ZBTB46: variants seen among roughly 807,000 people sequenced by gnomAD.
ZBTB46 encodes the protein zinc finger and BTB domain-containing protein 46.
ZBTB46 carries 8 observed loss-of-function variants against 44.1 expected under a neutral mutation model. That is an observed-to-expected ratio of 0.18 (90% CI 0.11 to 0.33). The LOEUF (loss-of-function observed/expected upper bound fraction) is 0.33, where lower values mean the gene tolerates loss of function less well. Among genes scored for constraint, ZBTB46 ranks in the 10% least tolerant of loss-of-function variants. The pLI is 1.00. For missense variants in ZBTB46, 651 were observed against 847.7 expected (o/e 0.77, Z 2.88); for synonymous variants, 409 against 382.3 (o/e 1.07, Z -0.81).
intron 4 of ZBTB46, among the ~76,000 whole-genome samples, chr20:63,751,621 C>A (rs538762658): frequency 9.9e-5 from 15 of 151,828 alleles, no homozygotes; most frequent in South Asian, 4.2e-4. Context: ...GTTCCGCCCC[C>A]CAGTGGGTCT....
chr20:63,798,045 G>C (rs903387066), intron 1 of ZBTB46, among the ~76,000 whole-genome samples: 3 of 152,114 alleles, frequency 2.0e-5, no homozygotes, highest in Non-Finnish European at 4.4e-5. Flanking sequence ...CATTGCTTTT[G>C]GTGTTTTAGA....
chr20:63,833,879 A>G (rs1044050844), upstream of ZBTB46, among the ~76,000 whole-genome samples: 9 of 152,238 alleles, frequency 5.9e-5, no homozygotes, highest in African/African-American at 2.2e-4. Context: ...CCCCATTACT[A>G]TTTAAAAGAA....
Position 63,787,223 on chromosome 20 carries a change from C to T in ZBTB46, c.937+2598G>A, listed in dbSNP as rs1267495836. On this transcript the variant is annotated intron_variant, in intron 2 of 4. Transcript: ENST00000245663. This position sits in a 1 kb window ranked among gnomAD's most constrained non-coding sequence, Gnocchi z 4.6. ...ACCACTGTGGTCCCGTAGATTAGAA[C>T]GCAGCCGGGAAATTCCTGTCACCTG... Among the ~76,000 whole-genome samples the T allele has an allele frequency of 1.3e-5, 2 of 152,134 alleles. No individual in the cohort carries two copies. Among genetic ancestry groups the T allele is most frequent in the African/African-American group, 2.4e-5 (1 of 41,428 alleles).
intron 1 of ZBTB46, chr20:63,815,200 GGTGCAGTGGGCACGAGTGCAA>G (rs2092741289): frequency 8.5e-6 from 2 of 234,884 alleles, no homozygotes; most frequent in Non-Finnish European, 1.7e-5. Flanking sequence ...AGTGGGCGCA[GGTGCAGTGGGCACGAGTGCAA>G]GTGCAGTGAG....
rs2092080927 is a variant in ZBTB46 at position 63,745,607 on chromosome 20, ATC to A, written c.*1321_*1322del. ...GAGGAGGCCACCGCGCCCACCTCCCATCTGAAGGCACAGCACCGCAGTGGTGG... is the reference window on the plus strand; with the variant it reads ...GAGGAGGCCACCGCGCCCACCTCCCATGAAGGCACAGCACCGCAGTGGTGG... On this transcript the variant is annotated 3_prime_UTR_variant, in exon 5 of 5. Transcript: ENST00000245663. 1 of 152,362 alleles carries A rather than the reference ATC, an allele frequency of 6.6e-6. No homozygotes were observed. Among genetic ancestry groups the A allele is most frequent in the Non-Finnish European group, 1.5e-5 (1 of 68,094 alleles). 9.4% of individuals were successfully genotyped at this position (152,362 alleles called of 1,614,324 possible).
chr20:63,827,237 C>T (rs978905082), intron 1 of ZBTB46, among the ~76,000 whole-genome samples: 1 of 152,202 alleles, frequency 6.6e-6, no homozygotes, highest in Admixed American at 6.5e-5. Context: ...CACAGCAGGC[C>T]CTCAGTAACA....
At chr20:63,776,381 A>G (rs1189006843) in intron 2 of ZBTB46, among the ~76,000 whole-genome samples, 2 of 152,260 alleles carry the variant, frequency 1.3e-5, no homozygotes, top group African/African-American at 2.4e-5. Flanking sequence ...AGCTAAATCT[A>G]TAAAATTCTT....
Position 63,813,851 on chromosome 20 carries a change from G to A in ZBTB46, c.-34+17246C>T, listed in dbSNP as rs1005864845. Among the ~76,000 whole-genome samples, 3 of 152,248 alleles carry A rather than the reference G, an allele frequency of 2.0e-5. No homozygotes were observed. In the East Asian group the frequency reaches 5.8e-4, roughly 29 times the overall value. On this transcript the variant is annotated intron_variant, in intron 1 of 4. Transcript: ENST00000245663. ...AGCCCAGCATCGCGACGCTGAGGAA[G>A]TGTTGCGGGGTGCCCGGCTGCGTGT...
At chr20:63,805,600 G>A (rs931273556) in intron 1 of ZBTB46, among the ~76,000 whole-genome samples, 6 of 152,204 alleles carry the variant, frequency 3.9e-5, no homozygotes, top group African/African-American at 1.4e-4. Context: ...CCTGCCTGGA[G>A]TCTCCAGAGG....
At chr20:63,762,546 T>C (rs986965587) in intron 3 of ZBTB46, among the ~76,000 whole-genome samples, 1 of 151,946 alleles carries the variant, frequency 6.6e-6, no homozygotes, top group Admixed American at 6.6e-5. Context: ...GCCAGCTACT[T>C]GGGAGGCTGA....
At chr20:63,800,876 C>A (rs1006745380) in intron 1 of ZBTB46, among the ~76,000 whole-genome samples, 2 of 152,242 alleles carry the variant, frequency 1.3e-5, no homozygotes, top group Non-Finnish European at 2.9e-5. Flanking sequence ...CCTGCTCTAC[C>A]GCGCTGGGTC....
chr20:63,771,038 G>A (rs572906774), intron 3 of ZBTB46, among the ~76,000 whole-genome samples: 26 of 119,898 alleles, frequency 2.2e-4, no homozygotes, highest in Non-Finnish European at 3.7e-4. Flanking sequence ...CACCGGCCAC[G>A]CCCGGCACAG....
At chr20:63,756,069 G>A (rs114343870) in intron 3 of ZBTB46, among the ~76,000 whole-genome samples, 180 of 152,322 alleles carry the variant, frequency 1.2e-3, no homozygotes, top group African/African-American at 4.2e-3. Context: ...CATTCGTGCC[G>A]GACTGGAGGC....
chr20:63,770,163 C>T (rs2092355764), intron 3 of ZBTB46, among the ~76,000 whole-genome samples: 2 of 152,244 alleles, frequency 1.3e-5, no homozygotes, highest in Admixed American at 6.5e-5. Context: ...CCCCGGCCGA[C>T]CGGCCGGCGG....
intron 3 of ZBTB46, among the ~76,000 whole-genome samples, chr20:63,774,789 T>TGCCTGCCGGGTTCA (rs71197433): frequency 2.7e-5 from 4 of 148,332 alleles, no homozygotes; most frequent in South Asian, 4.3e-4. Context: ...CTGCAAGCTC[T>TGCCTGCCGGGTTCA]GCCTGCCGGG....
chr20:63,825,417 ACCCT>A (rs1438224829), intron 1 of ZBTB46, among the ~76,000 whole-genome samples: 1 of 135,900 alleles, frequency 7.4e-6, no homozygotes, highest in Non-Finnish European at 1.6e-5. Context: ...AAAAAAAAAA[ACCCT>A]CCCTCCCGCC....
chr20:63,776,073 G>T, intron 2 of ZBTB46, 111 bp from the exon 3 acceptor site: 2 of 1,338,574 alleles, frequency 1.5e-6, no homozygotes, highest in Non-Finnish European at 2.0e-6. Flanking sequence ...GAGCTACAGA[G>T]CAGCATCAAG....
At chr20:63,795,977 G>A (rs962185351) in intron 1 of ZBTB46, among the ~76,000 whole-genome samples, 4 of 152,196 alleles carry the variant, frequency 2.6e-5, no homozygotes, top group Admixed American at 6.5e-5. Context: ...TGCTGTTGAG[G>A]ACGCACACTT....
At chr20:63,769,783 T>C (rs1238548878) in intron 3 of ZBTB46, among the ~76,000 whole-genome samples, 1 of 152,154 alleles carries the variant, frequency 6.6e-6, no homozygotes, top group Non-Finnish European at 1.5e-5. Context: ...ACAATTCCAG[T>C]CTCGATCCAG....
Sources: allele counts gnomAD v4.1 joint callset (sites outside exome capture counted in the v4.1 genomes callset), GRCh38; gene constraint gnomAD v4.1.1; non-coding constraint Gnocchi (gnomAD v3.1); transcripts MANE v1.5; gene names NCBI Gene and HGNC (gene_info 2026-07-23, HGNC 2026-07-21).